CLVS1: variants seen among roughly 807,000 people sequenced by gnomAD.
The protein encoded by CLVS1 is clavesin-1.
A neutral mutation model predicts 33.1 loss-of-function variants in CLVS1; 10 were observed. The observed-to-expected ratio is 0.30, with a 90% CI of 0.19 to 0.51. CLVS1 has a LOEUF of 0.51. Ranked by LOEUF, CLVS1 falls within the 20% of genes least tolerant of loss-of-function variation. CLVS1 has a pLI of 0.97. For missense variants in CLVS1, 343 were observed against 433.4 expected (o/e 0.79, Z 1.85); for synonymous variants, 163 against 166.1 (o/e 0.98, Z 0.14).
At chr8:60,986,174 C>T in the CLVS1 span, among the ~76,000 whole-genome samples, 1 of 152,188 alleles carries the variant, frequency 6.6e-6, no homozygotes, top group Admixed American at 6.5e-5. Context: ...ACAGCTGTCA[C>T]AGGGGCAGGC....
At chr8:61,343,046 A>G (rs902929569) in intron 2 of CLVS1, among the ~76,000 whole-genome samples, 9 of 152,208 alleles carry the variant, frequency 5.9e-5, no homozygotes, top group Admixed American at 5.2e-4. Flanking sequence ...TCGTATCTCT[A>G]CACTCGATGG....
chr8:61,478,144 T>C (rs1818027476), intron 5 of CLVS1, among the ~76,000 whole-genome samples: 1 of 152,214 alleles, frequency 6.6e-6, no homozygotes, highest in Non-Finnish European at 1.5e-5. Context: ...AGTTTCTTAA[T>C]CCTGAGTTCT....
chr8:61,465,531 T>G (rs1358703608), intron 5 of CLVS1: 1 of 152,212 alleles, frequency 6.6e-6, no homozygotes, highest in Non-Finnish European at 1.5e-5. Context: ...TCTAAATGAA[T>G]TATTTCAATA....
chr8:61,347,558 C>A (rs911034013), intron 2 of CLVS1, among the ~76,000 whole-genome samples: 1 of 146,072 alleles, frequency 6.8e-6, no homozygotes, highest in Admixed American at 6.9e-5. Flanking sequence ...ATCTGTTATA[C>A]AACATGTTGT....
At chr8:61,188,444 C>G (rs1471598529) in intron 2 of CLVS1, among the ~76,000 whole-genome samples, 1 of 151,850 alleles carries the variant, frequency 6.6e-6, no homozygotes, top group Non-Finnish European at 1.5e-5. Flanking sequence ...TAACAGACAA[C>G]AGACAGATAG....
intron 1 of CLVS1, among the ~76,000 whole-genome samples, chr8:61,120,268 ATTC>A (rs1394941896): frequency 7.3e-6 from 1 of 137,700 alleles, no homozygotes; most frequent in African/African-American, 2.8e-5. Flanking sequence ...CTAGTTATAC[ATTC>A]TTCTAAATTT....
chr8:61,497,444 G>GGT (rs1554581110), intron 5 of CLVS1, among the ~76,000 whole-genome samples: 1 of 132,570 alleles, frequency 7.5e-6, no homozygotes, highest in East Asian at 2.0e-4. Context: ...GTTTTTATTG[G>GGT]GGGGGGGGTG....
chr8:61,128,574 G>T (rs1193660338), intron 1 of CLVS1, among the ~76,000 whole-genome samples: 5 of 152,220 alleles, frequency 3.3e-5, no homozygotes, highest in Non-Finnish European at 7.3e-5. Flanking sequence ...GGGTCCAGGG[G>T]AGAGCAGGAC....
chr8:61,030,543 G>T, the CLVS1 span, among the ~76,000 whole-genome samples: 1 of 152,148 alleles, frequency 6.6e-6, no homozygotes, highest in South Asian at 2.1e-4. Context: ...GGTTAATACT[G>T]GGCAAAGCTC....
intron 1 of CLVS1, among the ~76,000 whole-genome samples, chr8:61,068,198 T>G (rs1466955820): frequency 9.3e-6 from 1 of 107,500 alleles, no homozygotes; most frequent in Non-Finnish European, 1.8e-5. Flanking sequence ...TATGTGTATA[T>G]GTATATATAT....
chr8:61,033,428 C>T, the CLVS1 span, among the ~76,000 whole-genome samples: 11 of 45,576 alleles, frequency 2.4e-4, no homozygotes, highest in Non-Finnish European at 6.1e-4. Context: ...GCATGAAGTC[C>T]GCTGTCATCC....
At chr8:61,391,677 A>G (rs1300457853) in intron 3 of CLVS1, among the ~76,000 whole-genome samples, 1 of 152,232 alleles carries the variant, frequency 6.6e-6, no homozygotes, top group East Asian at 1.9e-4. Context: ...AGTAATCCTT[A>G]ATGCCCTAAT....
chr8:61,482,987 C>T (rs965765697), intron 5 of CLVS1, among the ~76,000 whole-genome samples: 10 of 151,074 alleles, frequency 6.6e-5, no homozygotes, highest in African/African-American at 1.7e-4. Context: ...CAAGAGAAAG[C>T]AGGAAAGATC....
the CLVS1 span, among the ~76,000 whole-genome samples, chr8:60,971,654 C>T: frequency 1.3e-5 from 2 of 152,200 alleles, no homozygotes; most frequent in African/African-American, 2.4e-5. Context: ...TGAAAATGAG[C>T]CTCTCAGCAG....
intron 2 of CLVS1, among the ~76,000 whole-genome samples, chr8:61,135,913 C>T (rs1451506453): frequency 6.6e-6 from 1 of 152,248 alleles, no homozygotes; most frequent in Non-Finnish European, 1.5e-5. Flanking sequence ...CCCCGCTGGG[C>T]CTGTGCCCTC....
chr8:61,331,171 TG>T (rs1159985755), intron 2 of CLVS1, among the ~76,000 whole-genome samples: 1 of 152,212 alleles, frequency 6.6e-6, no homozygotes, highest in Non-Finnish European at 1.5e-5. Context: ...TTCAGAATTT[TG>T]GAGGCATTTC....
At chr8:61,417,324 G>A (rs1000194589) in intron 3 of CLVS1, among the ~76,000 whole-genome samples, 5 of 152,148 alleles carry the variant, frequency 3.3e-5, no homozygotes, top group Admixed American at 2.0e-4. Context: ...TAAGAAACAT[G>A]GAATACATCT....
At chr8:61,137,588 G>A (rs1169245720) in intron 2 of CLVS1, among the ~76,000 whole-genome samples, 5 of 152,224 alleles carry the variant, frequency 3.3e-5, no homozygotes, top group South Asian at 2.1e-4. Flanking sequence ...AGTGCCGAGC[G>A]TCTTCATGTT....
chr8:61,227,011 G>A (rs565278014), intron 2 of CLVS1, among the ~76,000 whole-genome samples: 1 of 133,226 alleles, frequency 7.5e-6, no homozygotes, highest in African/African-American at 2.9e-5. Context: ...CAGCTTCAGT[G>A]TTAAGTTTAG....
Sources: allele counts gnomAD v4.1 joint callset (sites outside exome capture counted in the v4.1 genomes callset), GRCh38; gene constraint gnomAD v4.1.1; transcripts MANE v1.5; gene names NCBI Gene and HGNC (gene_info 2026-07-23, HGNC 2026-07-21).